CWF19L2: variants seen among roughly 807,000 people sequenced by gnomAD.
The protein encoded by CWF19L2 is CWF19 like cell cycle control factor 2.
CWF19L2 carries 98 observed loss-of-function variants against 111.7 expected under a neutral mutation model. That is an observed-to-expected ratio of 0.88 (90% CI 0.75 to 1.04). The LOEUF is 1.04. Ranked by LOEUF, CWF19L2 falls within the 50% of genes least tolerant of loss-of-function variation. CWF19L2 has a pLI of 0.00. For missense variants in CWF19L2, 1,101 were observed against 1,051.4 expected (o/e 1.05, Z -0.65); for synonymous variants, 351 against 342.9 (o/e 1.02, Z -0.26).
intron 8 of CWF19L2, among the ~76,000 whole-genome samples, chr11:107,426,697 T>C (rs1034969881): frequency 6.6e-6 from 1 of 151,636 alleles, no homozygotes; most frequent in Non-Finnish European, 1.5e-5. Context: ...ATATACTTAT[T>C]GGGAAAAAAA....
intron 12 of CWF19L2, among the ~76,000 whole-genome samples, chr11:107,375,401 C>T (rs1188457020): frequency 7.2e-6 from 1 of 138,496 alleles, no homozygotes; most frequent in Non-Finnish European, 1.6e-5. Context: ...TGTAAAAGAA[C>T]AGAAATTATA....
chr11:107,403,526 C>A, intron 10 of CWF19L2: 1 of 816,088 alleles, frequency 1.2e-6, no homozygotes, highest in Middle Eastern at 2.3e-4. Flanking sequence ...CCCCTCCTGC[C>A]CATTCTCCTT....
rs1219488785 is a variant in CWF19L2, at chr11:107,390,183, A to AC, written c.1762dup (p.Val588GlyfsTer6). 7.5e-6 allele frequency: 12 copies of AC among 1,609,878 alleles called. No individual in the cohort carries two copies. The highest frequency in any genetic ancestry group is 1.0e-5 in the Non-Finnish European group (12 of 1,177,868). ...ATTATCATCATCATGAAAGTATCTGACCCTTTCTCTTTCCTCATGGGTTGA... is the reference window on the plus strand; with the variant it reads ...ATTATCATCATCATGAAAGTATCTGACCCCTTTCTCTTTCCTCATGGGTTGA... On this transcript the variant is annotated frameshift_variant, in exon 12 of 18. Transcript: ENST00000282251. LOFTEE classifies it high-confidence loss of function.
chr11:107,357,779 T>C (rs939639610), intron 12 of CWF19L2, among the ~76,000 whole-genome samples: 14 of 152,210 alleles, frequency 9.2e-5, no homozygotes, highest in African/African-American at 3.4e-4. Context: ...ATATACCTCT[T>C]CTATGACCTC....
At chr11:107,380,073 T>C (rs1287242602) in intron 12 of CWF19L2, among the ~76,000 whole-genome samples, 8 of 42,674 alleles carry the variant, frequency 1.9e-4, no homozygotes, top group Non-Finnish European at 9.9e-5. Flanking sequence ...AAAAAAAAAA[T>C]CAGATACTAA....
intron 14 of CWF19L2, among the ~76,000 whole-genome samples, chr11:107,338,944 T>G (rs955510534): frequency 1.6e-4 from 24 of 152,184 alleles, no homozygotes; most frequent in African/African-American, 5.5e-4. Flanking sequence ...AGTAATGGAA[T>G]TGCTGGGTCA....
intron 12 of CWF19L2, among the ~76,000 whole-genome samples, chr11:107,385,034 G>A (rs1411006980): frequency 6.6e-6 from 1 of 152,126 alleles, no homozygotes; most frequent in Non-Finnish European, 1.5e-5. Context: ...AAACTTTTAA[G>A]AGTGAAAGGA....
intron 8 of CWF19L2, among the ~76,000 whole-genome samples, chr11:107,422,478 G>A (rs1861315804): frequency 2.0e-5 from 3 of 152,022 alleles, no homozygotes; most frequent in Middle Eastern, 3.4e-3. Flanking sequence ...AGGGCACAAA[G>A]GCTTTCAGGG....
At chr11:107,337,370 TGTGTGTGTGTG>T (rs1859942208) in intron 14 of CWF19L2, among the ~76,000 whole-genome samples, 2 of 6,404 alleles carry the variant, frequency 3.1e-4, no homozygotes, top group African/African-American at 1.8e-3. Context: ...GTGTGTTTTG[TGTGTGTGTGTG>T]TGTGTGTGTG....
chr11:107,447,468 A>G (rs777456888), intron 3 of CWF19L2, among the ~76,000 whole-genome samples: 2 of 152,176 alleles, frequency 1.3e-5, no homozygotes, highest in Non-Finnish European at 2.9e-5. Flanking sequence ...AGAGCTCACA[A>G]AGGGCTGGAA....
chr11:107,349,631 A>G (rs933566013), intron 13 of CWF19L2, among the ~76,000 whole-genome samples: 82 of 152,018 alleles, frequency 5.4e-4, no homozygotes, highest in Non-Finnish European at 1.1e-3. Flanking sequence ...TCTTAAAAAA[A>G]AAAGGTTAAT....
At chr11:107,409,869 C>T (rs1485208264) in intron 10 of CWF19L2, among the ~76,000 whole-genome samples, 1 of 152,016 alleles carries the variant, frequency 6.6e-6, no homozygotes, top group African/African-American at 2.4e-5. Flanking sequence ...AAATTAAAGA[C>T]ATTCATAAAA....
At chr11:107,357,261 T>C (rs1308920786) in intron 12 of CWF19L2, among the ~76,000 whole-genome samples, 1 of 152,180 alleles carries the variant, frequency 6.6e-6, no homozygotes. Flanking sequence ...ATATAGTCTA[T>C]GAAGCAGAAT....
chr11:107,343,581 T>C (rs1285743107), intron 14 of CWF19L2, among the ~76,000 whole-genome samples: 1 of 151,618 alleles, frequency 6.6e-6, no homozygotes, highest in Non-Finnish European at 1.5e-5. Flanking sequence ...TTTATTGATA[T>C]AGTAGAGATA....
intron 12 of CWF19L2, among the ~76,000 whole-genome samples, chr11:107,354,126 C>G (rs1467054430): frequency 6.6e-6 from 1 of 151,206 alleles, no homozygotes; most frequent in Non-Finnish European, 1.5e-5. Flanking sequence ...AACCACATCT[C>G]CAGGTACCTT....
At chr11:107,381,342 T>C (rs1860683685) in intron 12 of CWF19L2, among the ~76,000 whole-genome samples, 1 of 152,134 alleles carries the variant, frequency 6.6e-6, no homozygotes. Flanking sequence ...CCATCACCTA[T>C]AGGTGAGGTT....
intron 2 of CWF19L2, among the ~76,000 whole-genome samples, chr11:107,455,029 A>G (rs1029720576): frequency 6.6e-6 from 1 of 152,284 alleles, no homozygotes; most frequent in African/African-American, 2.4e-5. Flanking sequence ...AGGAGCAAGG[A>G]TAGGGAAAGG....
intron 14 of CWF19L2, among the ~76,000 whole-genome samples, chr11:107,346,529 T>A (rs984194797): frequency 6.6e-6 from 1 of 152,140 alleles, no homozygotes; most frequent in African/African-American, 2.4e-5. Flanking sequence ...CTGCAGAACC[T>A]TCAAAAGGCT....
At chr11:107,354,540 G>T (rs1398496073) in intron 12 of CWF19L2, among the ~76,000 whole-genome samples, 1 of 152,058 alleles carries the variant, frequency 6.6e-6, no homozygotes, top group African/African-American at 2.4e-5. Flanking sequence ...TGGAATATTT[G>T]CATATATATA....
Sources: allele counts gnomAD v4.1 joint callset (sites outside exome capture counted in the v4.1 genomes callset), GRCh38; gene constraint gnomAD v4.1.1; transcripts MANE v1.5; gene names NCBI Gene and HGNC (gene_info 2026-07-23, HGNC 2026-07-21).